SYTL2: variants seen among roughly 807,000 people sequenced by gnomAD.
SYTL2 encodes the protein synaptotagmin-like protein 2.
A neutral mutation model predicts 198.7 loss-of-function variants in SYTL2; 165 were observed. The ratio of observed to expected loss-of-function variants is 0.83; its 90% CI spans 0.73 to 0.94. SYTL2 has a LOEUF of 0.94. SYTL2 is among the 40% of genes least tolerant of loss of function. The probability of loss-of-function intolerance (pLI) is 0.00; values close to 1 mark genes in which losing one functional copy is unlikely to be tolerated. For synonymous variants in SYTL2, 966 were observed against 917.7 expected (o/e 1.05, Z -0.95); for missense variants, 2,835 against 2,582.8 (o/e 1.10, Z -2.12).
intron 7 of SYTL2, among the ~76,000 whole-genome samples, chr11:85,729,262 T>C (rs2153474719): frequency 6.6e-6 from 1 of 152,294 alleles, no homozygotes; most frequent in Non-Finnish European, 1.5e-5. Context: ...TACAGAACTC[T>C]CCACCCCAAA....
At chr11:85,740,869 A>G (rs1209757515) in intron 4 of SYTL2, among the ~76,000 whole-genome samples, 1 of 152,230 alleles carries the variant, frequency 6.6e-6, no homozygotes, top group Non-Finnish European at 1.5e-5. Flanking sequence ...CTTAAATAAA[A>G]AGAATAAATA....
intron 1 of SYTL2, among the ~76,000 whole-genome samples, chr11:85,776,440 C>T (rs1010959884): frequency 6.6e-6 from 1 of 152,200 alleles, no homozygotes; most frequent in Non-Finnish European, 1.5e-5. Context: ...TTATGTTCCC[C>T]TCCCTGTGTC....
At chr11:85,698,159 T>A in intron 17 of SYTL2, 81 bp from the exon 18 acceptor site, 1 of 886,554 alleles carries the variant, frequency 1.1e-6, no homozygotes, top group Non-Finnish European at 1.9e-6. Context: ...AGCCTAAAAA[T>A]GTTCTGGCAT....
intron 1 of SYTL2, among the ~76,000 whole-genome samples, chr11:85,772,402 ATGAATATCT>A (rs2153581286): frequency 6.6e-6 from 1 of 152,356 alleles, no homozygotes; most frequent in South Asian, 2.1e-4. Flanking sequence ...ATAAGTCTTA[ATGAATATCT>A]GACTTGCTAT....
Position 85,737,563 on chromosome 11 carries a change from G to T in SYTL2, c.471+12C>A. 1 of 1,604,678 alleles carries T rather than the reference G, an allele frequency of 6.2e-7. No homozygotes were observed. The highest frequency in any genetic ancestry group is 1.7e-4 in the Middle Eastern group (1 of 6,042). On this transcript the variant is annotated intron_variant, in intron 5 of 19. Coordinates refer to ENST00000359152, the MANE Select transcript of SYTL2 (RefSeq NM_206927.4). ...ACAAATACAAGATTTTCAAAATCTG[G>T]GCTCAGTCTACCTTCTCTGGAGACA...
chr11:85,802,030 G>A (rs2092896528), intron 1 of SYTL2, among the ~76,000 whole-genome samples: 1 of 151,256 alleles, frequency 6.6e-6, no homozygotes, highest in Non-Finnish European at 1.5e-5. Context: ...TAGCCAGGCT[G>A]GTCTTGAACT....
chr11:85,772,860 A>G (rs574538272), intron 1 of SYTL2, among the ~76,000 whole-genome samples: 32 of 152,212 alleles, frequency 2.1e-4, no homozygotes, highest in Non-Finnish European at 4.1e-4. Context: ...CACACAGCCT[A>G]AAAATAGCCA....
the SYTL2 span, among the ~76,000 whole-genome samples, chr11:85,838,826 C>A: frequency 6.6e-6 from 1 of 152,184 alleles, no homozygotes; most frequent in Non-Finnish European, 1.5e-5. Context: ...ATATAATAGT[C>A]ATATGAGTTT....
At chr11:85,730,969 G>C (rs1426408020) in intron 7 of SYTL2, among the ~76,000 whole-genome samples, 3 of 152,132 alleles carry the variant, frequency 2.0e-5, no homozygotes, top group Admixed American at 6.5e-5. Context: ...CAAATCATGA[G>C]TGAACTCCCA....
At chr11:85,740,521 T>C (rs1180924266) in intron 4 of SYTL2, among the ~76,000 whole-genome samples, 1 of 152,206 alleles carries the variant, frequency 6.6e-6, no homozygotes, top group Admixed American at 6.5e-5. Flanking sequence ...AATCGGTGCA[T>C]TATTTTTCCT....
the SYTL2 span, among the ~76,000 whole-genome samples, chr11:85,839,348 G>C: frequency 6.6e-6 from 1 of 152,120 alleles, no homozygotes; most frequent in Non-Finnish European, 1.5e-5. Flanking sequence ...TTTCGTAACA[G>C]ATCTTTTCCA....
intron 9 of SYTL2, 105 bp downstream of exon 9, chr11:85,720,753 T>G: frequency 5.5e-6 from 4 of 733,556 alleles, no homozygotes; most frequent in Non-Finnish European, 4.7e-6. Context: ...ACTGCCCCCA[T>G]TAGAGGGTGC....
upstream of SYTL2, among the ~76,000 whole-genome samples, chr11:85,814,452 C>T (rs186086818): frequency 6.6e-6 from 1 of 152,300 alleles, no homozygotes; most frequent in East Asian, 1.9e-4. Context: ...TAGAAGTGAG[C>T]TTAGAAAACT....
At chr11:85,718,403 T>A (rs1308176580) in intron 10 of SYTL2, 1 of 196,598 alleles carries the variant, frequency 5.1e-6, no homozygotes, top group East Asian at 1.3e-4. Flanking sequence ...CAGAGAGATC[T>A]AAATGCTGAG....
rs528205978 is a variant in SYTL2, at chr11:85,793,514, C to A, written c.-390+17440G>T. 3.3e-5 allele frequency among the ~76,000 whole-genome samples: 5 copies of A among 152,198 alleles called. No individual in the cohort carries two copies. The East Asian group carries it at 9.6e-4, about 29-fold the overall frequency. Reference sequence around the variant, plus strand: ...TTAAAGATGAACAGTTTTCTTTTTCCTGTTCAGGGACTTTGAATTTAAAAA... The same window carrying A: ...TTAAAGATGAACAGTTTTCTTTTTCATGTTCAGGGACTTTGAATTTAAAAA... On this transcript the variant is annotated intron_variant, in intron 1 of 19. Transcript: ENST00000359152.
In SYTL2 at chr11:85,774,100, C is replaced by T. The variant is rs368563723; in HGVS notation, c.-389-15986G>A. Among the ~76,000 whole-genome samples the T allele has an allele frequency of 5.3e-5, 8 of 152,202 alleles. No homozygotes were observed. In the East Asian group the frequency reaches 7.7e-4, roughly 15 times the overall value. ...GATATTACACAGAAAACCAAAAAGC[C>T]TTGTTCACTACTAATAACATTAAAA... On this transcript the variant is annotated intron_variant, in intron 1 of 19. Transcript: ENST00000359152.
At chr11:85,707,648 A>AAAGCAGTGAAT in intron 14 of SYTL2, 117 bp from the exon 15 acceptor site, 1 of 688,540 alleles carries the variant, frequency 1.5e-6, no homozygotes, top group Non-Finnish European at 2.5e-6. Context: ...GACACTGAGA[A>AAAGCAGTGAAT]AAGCAGTGAA....
chr11:85,789,714 T>C (rs1034996806), intron 1 of SYTL2, among the ~76,000 whole-genome samples: 3 of 152,110 alleles, frequency 2.0e-5, no homozygotes, highest in Non-Finnish European at 2.9e-5. Context: ...TCCTATTCTA[T>C]TGATGAGGAA....
the SYTL2 span, among the ~76,000 whole-genome samples, chr11:85,820,827 T>A: frequency 6.6e-6 from 1 of 152,232 alleles, no homozygotes; most frequent in African/African-American, 2.4e-5. Flanking sequence ...CACTTAAGAT[T>A]TGGGCACTTT....
Sources: allele counts gnomAD v4.1 joint callset (sites outside exome capture counted in the v4.1 genomes callset), GRCh38; gene constraint gnomAD v4.1.1; transcripts MANE v1.5; gene names NCBI Gene and HGNC (gene_info 2026-07-23, HGNC 2026-07-21).